ODR4: variants seen among roughly 807,000 people sequenced by gnomAD.
ODR4 encodes odr-4 GPCR localization factor homolog.
ODR4 carries 47 observed loss-of-function variants against 60.2 expected under a neutral mutation model. The observed-to-expected ratio is 0.78, with a 90% confidence interval of 0.62 to 1.00. The LOEUF is 1.00. ODR4 is among the 50% of genes least tolerant of loss of function. ODR4 has a pLI of 0.00. For synonymous variants in ODR4, 178 were observed against 175.5 expected (o/e 1.01, Z -0.11); for missense variants, 488 against 530.8 (o/e 0.92, Z 0.79).
intron 3 of ODR4, among the ~76,000 whole-genome samples, chr1:186,383,678 G>GAGATATATATATATAT (rs141878801): frequency 7.1e-6 from 1 of 140,726 alleles, no homozygotes; most frequent in Non-Finnish European, 1.6e-5. Flanking sequence ...TGTGTATGTA[G>GAGATATATATATATAT]ATATATATAT....
chr1:186,388,563 G>A lies in ODR4; in HGVS notation c.437+15G>A. 1 of 1,411,064 alleles carries A rather than the reference G, an allele frequency of 7.1e-7. No homozygotes were observed. Among genetic ancestry groups the A allele is most frequent in the East Asian group, 2.6e-5 (1 of 38,132 alleles). The allele number at this position is 1,411,064 out of a possible 1,614,324, so 87.4% of individuals were successfully genotyped here. A position where few individuals can be genotyped will look rare whatever the true frequency, so the allele number is the denominator to read the frequency against. ...TCTACAAAAAAGTATCTTTTGTTCAGTTTATGGTTTAAAAGTACAAAGTAC... is the reference window on the plus strand; with the variant it reads ...TCTACAAAAAAGTATCTTTTGTTCAATTTATGGTTTAAAAGTACAAAGTAC... On this transcript the variant is annotated intron_variant, in intron 5 of 13. Transcript: ENST00000287859.
At chr1:186,394,776 A>G (rs1660606980) in intron 9 of ODR4, among the ~76,000 whole-genome samples, 1 of 152,224 alleles carries the variant, frequency 6.6e-6, no homozygotes, top group Non-Finnish European at 1.5e-5. Flanking sequence ...TTCTGTGTGT[A>G]GCAATAGCGC....
chr1:186,394,628 G>A (rs531929007), intron 9 of ODR4, among the ~76,000 whole-genome samples: 20 of 152,234 alleles, frequency 1.3e-4, no homozygotes, highest in Non-Finnish European at 2.2e-4. Context: ...AATAGCAAAC[G>A]CGTGTTTGTA....
chr1:186,398,925 C>G, intron 10 of ODR4, 29 bp from the exon 11 acceptor site: 1 of 1,466,550 alleles, frequency 6.8e-7, no homozygotes, highest in Non-Finnish European at 9.3e-7. Context: ...TTATTTCTTA[C>G]TGTGTTTTTT....
At chr1:186,418,006 C>T (rs191197119) in intron 13 of ODR4, among the ~76,000 whole-genome samples, 33 of 152,182 alleles carry the variant, frequency 2.2e-4, no homozygotes, top group African/African-American at 6.5e-4. Context: ...TGACAAACAA[C>T]GTTAAATTCA....
intron 3 of ODR4, 33 bp from the exon 4 acceptor site, chr1:186,385,955 A>G (rs372437615): frequency 7.2e-7 from 1 of 1,387,840 alleles, no homozygotes; most frequent in Non-Finnish European, 1.0e-6. Context: ...TATAATGCCA[A>G]TTTGTTAGCT....
chr1:186,380,724 C>T (rs1411213214), intron 2 of ODR4, among the ~76,000 whole-genome samples: 1 of 152,156 alleles, frequency 6.6e-6, no homozygotes, highest in Non-Finnish European at 1.5e-5. Flanking sequence ...ATATCTTAGC[C>T]TGATGCCTTA....
chr1:186,417,599 A>G lies in ODR4; in HGVS notation c.1242A>G (p.Glu414=). Residue 414 remains glutamate, a synonymous_variant, in exon 13 of 14, where the codon GAA becomes GAG. Transcript: ENST00000287859. ...SQASLDNTDD[E]QPKQPIKTTM... is the part of the protein sequence containing the mutation. ...CTTCATTGGACAACACAGATGATGA[A>G]CAACCAAAACAACCAATTAAAACTA... The G allele has an allele frequency of 6.2e-7, 1 of 1,603,080 alleles. No homozygotes were observed. The highest frequency in any genetic ancestry group is 8.5e-7 in the Non-Finnish European group (1 of 1,173,806).
chr1:186,432,237 C>T, the ODR4 span, among the ~76,000 whole-genome samples: 70 of 152,240 alleles, frequency 4.6e-4, no homozygotes, highest in African/African-American at 1.5e-3. Context: ...AGAAATCCAA[C>T]TTGATCATGT....
intron 6 of ODR4, 111 bp downstream of exon 6, chr1:186,389,735 C>T (rs1660389038): frequency 1.5e-6 from 1 of 680,988 alleles, no homozygotes; most frequent in Admixed American, 3.4e-5. Context: ...CTATTGATGC[C>T]TACAAACAAC....
At chr1:186,385,839 G>T in intron 3 of ODR4, 149 bp from the exon 4 acceptor site, 1 of 523,708 alleles carries the variant, frequency 1.9e-6, no homozygotes, top group Non-Finnish European at 3.3e-6. Flanking sequence ...ATTTATTGAT[G>T]TAGCTAAAGG....
At chr1:186,433,870 C>T in the ODR4 span, among the ~76,000 whole-genome samples, 165 of 152,224 alleles carry the variant, frequency 1.1e-3, 5 homozygotes, top group African/African-American at 3.4e-3. Flanking sequence ...TGAGCCACCG[C>T]GCCTGGCCAG....
intron 11 of ODR4, chr1:186,401,177 T>G: frequency 6.3e-7 from 1 of 1,585,484 alleles, no homozygotes; most frequent in Non-Finnish European, 8.6e-7. Context: ...TGTTAGTACT[T>G]TGAAATTTTT....
the ODR4 span, among the ~76,000 whole-genome samples, chr1:186,432,988 G>A: frequency 6.6e-6 from 1 of 152,008 alleles, no homozygotes; most frequent in East Asian, 1.9e-4. Flanking sequence ...GTTTCACCAT[G>A]TTGGTCAGGC....
chr1:186,405,132 A>G (rs1661124363), intron 11 of ODR4, among the ~76,000 whole-genome samples: 1 of 152,200 alleles, frequency 6.6e-6, no homozygotes, highest in African/African-American at 2.4e-5. Flanking sequence ...TAAACAAGTG[A>G]AAATAAATAT....
In ODR4 at chr1:186,420,914, A is replaced by G. The variant is rs1661750033; in HGVS notation, c.*1838A>G. 6.6e-6 allele frequency: 1 copy of G among 152,216 alleles called. No homozygotes were observed. The highest frequency in any genetic ancestry group is 2.1e-4 in the South Asian group (1 of 4,830). 9.4% of individuals were successfully genotyped at this position (152,216 alleles called of 1,614,324 possible). A position where few individuals can be genotyped will look rare whatever the true frequency, so the allele number is the denominator to read the frequency against. ...AGGAAGCACAATATATACCAAACAT[A>G]TATTTAAATAAAATCCAGGCCTAGA... On this transcript the variant is annotated 3_prime_UTR_variant, in exon 14 of 14. Coordinates refer to ENST00000287859, the MANE Select transcript of ODR4 (RefSeq NM_017847.6).
At chr1:186,408,390 G>A (rs867216174) in intron 12 of ODR4, among the ~76,000 whole-genome samples, 1 of 151,836 alleles carries the variant, frequency 6.6e-6, no homozygotes, top group African/African-American at 2.4e-5. Flanking sequence ...ACATTTTCAA[G>A]TGTAAATGGA....
chr1:186,425,260 G>C (rs1480955666), downstream of ODR4, among the ~76,000 whole-genome samples: 1 of 152,150 alleles, frequency 6.6e-6, no homozygotes, highest in Non-Finnish European at 1.5e-5. Context: ...TGAAACTAAA[G>C]ACAAGTTTTC....
chr1:186,426,527 G>A, the ODR4 span, among the ~76,000 whole-genome samples: 1 of 152,198 alleles, frequency 6.6e-6, no homozygotes, highest in African/African-American at 2.4e-5. Context: ...AGTGTTCAGA[G>A]ATGAAAGATG....
Sources: gnomAD v4.1 joint callset for allele counts (sites outside exome capture counted in the v4.1 genomes callset) on GRCh38, gnomAD v4.1.1 for gene constraint, MANE v1.5 for transcripts, NCBI Gene and HGNC (gene_info 2026-07-23, HGNC 2026-07-21) for gene names.